Variants in ANXA11 observed in about 807,000 individuals in gnomAD.
ANXA11 encodes the protein 56 kDa autoantigen.
A neutral mutation model predicts 64.7 loss-of-function variants in ANXA11; 57 were observed. That is an observed-to-expected ratio of 0.88 (90% CI 0.71 to 1.10). The LOEUF (loss-of-function observed/expected upper bound fraction) is 1.10, where lower values mean the gene tolerates loss of function less well. Among genes scored for constraint, ANXA11 ranks in the 50% least tolerant of loss-of-function variants. ANXA11 has a pLI of 0.00. For missense variants in ANXA11, 675 were observed against 670.7 expected (o/e 1.01, Z -0.07); for synonymous variants, 260 against 265.2 (o/e 0.98, Z 0.19).
chr10:80,164,202 C>A, intron 8 of ANXA11, 59 bp from the exon 9 acceptor site: 2 of 1,420,068 alleles, frequency 1.4e-6, no homozygotes, highest in Middle Eastern at 1.8e-4. Context: ...CACCAGCACT[C>A]GGGAAGAAGG....
rs575766953 is a variant in ANXA11, at chr10:80,159,046, A to G, written c.1276+54T>C. 392 of 1,362,848 alleles carry G rather than the reference A, an allele frequency of 2.9e-4. 7 individuals are homozygous for G. The South Asian group carries it at 4.4e-3, about 15-fold the overall frequency. The allele number at this position is 1,362,848 out of a possible 1,614,324, so 84.4% of individuals were successfully genotyped here. On this transcript the variant is annotated intron_variant, in intron 13 of 15. Coordinates refer to ENST00000422982, the MANE Select transcript of ANXA11 (RefSeq NM_145868.2). ...TGGAGGACAGGCGAGCAGCCTGAACACTCACGATACACGTTAGCCCCTGGC... is the reference window on the plus strand; with the variant it reads ...TGGAGGACAGGCGAGCAGCCTGAACGCTCACGATACACGTTAGCCCCTGGC...
rs768043334 is a variant in ANXA11 at position 80,159,141 on chromosome 10, C to T, written c.1235G>A (p.Arg412Gln). 1.9e-5 allele frequency: 30 copies of T among 1,614,010 alleles called. No homozygotes were observed. The highest frequency in any genetic ancestry group is 6.7e-5 in the Admixed American group (4 of 59,994). ...CTCCTCCAGGTCCCCGGACATCTCCCGGCAGATGCTCTTCTCAATGTCCCG... is the reference window on the plus strand; with the variant it reads ...CTCCTCCAGGTCCCCGGACATCTCCTGGCAGATGCTCTTCTCAATGTCCCG... ...TGRDIEKSIC[R>Q]EMSGDLEEGM... is the part of the protein sequence containing the mutation. Residue 412 changes from arginine (R) to glutamine (Q), a missense_variant, in exon 13 of 16, where the codon CGG (arginine) becomes CAG (glutamine). By Grantham distance (43) the Arg-to-Gln change is conservative (BLOSUM62 1). Transcript: ENST00000422982.
At chr10:80,161,317 T>C (rs186249414) in intron 12 of ANXA11, among the ~76,000 whole-genome samples, 2 of 152,328 alleles carry the variant, frequency 1.3e-5, no homozygotes, top group Admixed American at 1.3e-4. Context: ...TTAAATCAAA[T>C]GTCACGACCT....
At chr10:80,193,847 T>C (rs1846878624) in intron 1 of ANXA11, among the ~76,000 whole-genome samples, 1 of 151,484 alleles carries the variant, frequency 6.6e-6, no homozygotes, top group Non-Finnish European at 1.5e-5. Context: ...ATTACTACAT[T>C]CTTCTTCTTT....
rs1308948221 is a variant in ANXA11 at position 80,159,177 on chromosome 10, C to G, written c.1199G>C (p.Arg400Thr). The change falls in exon 13 of 16, where the codon AGA (arginine) becomes ACA (threonine). Residue 400 changes from arginine (R) to threonine (T), a missense_variant. Coordinates refer to ENST00000422982, the MANE Select transcript of ANXA11 (RefSeq NM_145868.2). ...CTTCTCAATGTCCCGGCCTGTCATT[C>G]TCTGGTACTCATTGAAAACTATGGG... The part of the protein sequence containing the change: ...HLVAVFNEYQ[R>T]MTGRDIEKSI... The G allele has an allele frequency of 6.2e-7, 1 of 1,614,054 alleles. No individual in the cohort carries two copies. Among genetic ancestry groups the G allele is most frequent in the Non-Finnish European group, 8.5e-7 (1 of 1,179,960 alleles).
intron 1 of ANXA11, among the ~76,000 whole-genome samples, chr10:80,180,057 T>A (rs2573352): frequency 6.6e-6 from 1 of 152,028 alleles, no homozygotes; most frequent in Non-Finnish European, 1.5e-5. Flanking sequence ...GGCTGCAAAA[T>A]GGCCTGTTCC....
At chr10:80,173,258 A>T (rs1245346626) in intron 2 of ANXA11, among the ~76,000 whole-genome samples, 4 of 152,018 alleles carry the variant, frequency 2.6e-5, no homozygotes, top group Non-Finnish European at 4.4e-5. Flanking sequence ...CATTCTCAGG[A>T]CTCCAGGTCT....
intron 11 of ANXA11, among the ~76,000 whole-genome samples, chr10:80,163,025 G>A (rs1845575136): frequency 6.6e-6 from 1 of 152,136 alleles, no homozygotes. Context: ...TTGCCCCTTT[G>A]CAAACATAAT....
rs1268568877 is a variant in ANXA11, at chr10:80,157,718, G to A, written c.1381C>T (p.Arg461Cys). ...ATGTCCAGGAGGTCGGTCTCGCTGC[G>A]AGACACCATGATGCGAATCAGGGTC... ...DRTLIRIMVS[R>C]SETDLLDIRS... The change falls in exon 15 of 16, where the codon CGC (arginine) becomes TGC (cysteine). Residue 461 changes from arginine to cysteine, a missense_variant. Coordinates refer to ENST00000422982, the MANE Select transcript of ANXA11 (RefSeq NM_145868.2). 1.3e-5 allele frequency: 21 copies of A among 1,613,936 alleles called. No individual in the cohort carries two copies. Among genetic ancestry groups the A allele is most frequent in the Non-Finnish European group, 1.6e-5 (19 of 1,179,952 alleles).
intron 1 of ANXA11, among the ~76,000 whole-genome samples, chr10:80,192,653 AG>A (rs1846824984): frequency 6.6e-6 from 1 of 152,224 alleles, no homozygotes; most frequent in South Asian, 2.1e-4. Flanking sequence ...AGAAAGAACA[AG>A]GGTCCTTTTC....
chr10:80,178,339 C>A (rs1846243584), intron 1 of ANXA11, among the ~76,000 whole-genome samples: 1 of 152,220 alleles, frequency 6.6e-6, no homozygotes, highest in Admixed American at 6.5e-5. Flanking sequence ...ATTCTGATGG[C>A]TGGGGCATGT....
chr10:80,166,850 G>A, intron 7 of ANXA11, 40 bp downstream of exon 7: 2 of 1,472,198 alleles, frequency 1.4e-6, no homozygotes, highest in South Asian at 1.2e-5. Flanking sequence ...CTGAGCCCAG[G>A]ACACGCCTCA....
intron 1 of ANXA11, among the ~76,000 whole-genome samples, chr10:80,188,172 C>A (rs970764130): frequency 6.6e-6 from 1 of 151,908 alleles, no homozygotes; most frequent in South Asian, 2.1e-4. Flanking sequence ...CATCTTTTCA[C>A]GGCCCACACT....
At chr10:80,188,860 C>T (rs1049276004) in intron 1 of ANXA11, among the ~76,000 whole-genome samples, 2 of 152,074 alleles carry the variant, frequency 1.3e-5, no homozygotes, top group Non-Finnish European at 2.9e-5. Context: ...ACACTAAACT[C>T]AGGTGTCAGG....
intron 1 of ANXA11, among the ~76,000 whole-genome samples, chr10:80,188,445 T>C (rs1589445944): frequency 2.0e-5 from 3 of 147,226 alleles, no homozygotes; most frequent in Admixed American, 6.8e-5. Flanking sequence ...AATGCATCCA[T>C]CTCATTACAC....
intron 8 of ANXA11, among the ~76,000 whole-genome samples, chr10:80,164,812 A>G (rs1845660820): frequency 6.6e-6 from 1 of 152,214 alleles, no homozygotes; most frequent in Non-Finnish European, 1.5e-5. Context: ...CCTCACAGGA[A>G]AGTCATGAGG....
At chr10:80,193,811 CAAAA>C (rs546354623) in intron 1 of ANXA11, among the ~76,000 whole-genome samples, 3 of 114,478 alleles carry the variant, frequency 2.6e-5, no homozygotes, top group Non-Finnish European at 3.7e-5. Flanking sequence ...GACTCTGTCT[CAAAA>C]AAAAAAAAAA....
intron 14 of ANXA11, 61 bp from the exon 15 acceptor site, chr10:80,157,824 G>A: frequency 1.9e-6 from 3 of 1,595,296 alleles, no homozygotes; most frequent in Non-Finnish European, 2.6e-6. Context: ...ACCTGCCCTG[G>A]GCCCTCCAGT....
At chr10:80,161,304 T>C (rs1245002199) in intron 12 of ANXA11, among the ~76,000 whole-genome samples, 6 of 152,114 alleles carry the variant, frequency 3.9e-5, no homozygotes, top group Non-Finnish European at 8.8e-5. Flanking sequence ...TCCCTTTAGG[T>C]TTTTAAATCA....
Sources: allele counts gnomAD v4.1 joint callset (sites outside exome capture counted in the v4.1 genomes callset), GRCh38; gene constraint gnomAD v4.1.1; transcripts MANE v1.5; gene names NCBI Gene and HGNC (gene_info 2026-07-23, HGNC 2026-07-21).